The following USP8 variants were observed in gnomAD, a reference collection of about 807,000 sequenced individuals.
USP8 encodes ubiquitin specific peptidase 8.
In USP8, 27 loss-of-function variants were observed where a neutral mutation model predicts 130.0. That is an observed-to-expected ratio of 0.21 (90% CI 0.15 to 0.29). The LOEUF is 0.29. USP8 is among the 10% of genes least tolerant of loss of function. The pLI is 1.00. For missense variants in USP8, 1,029 were observed against 1,312.2 expected (o/e 0.78, Z 3.33); for synonymous variants, 392 against 444.1 (o/e 0.88, Z 1.48).
chr15:50,444,882 A>G (rs1404949351), intron 3 of USP8, among the ~76,000 whole-genome samples: 1 of 151,932 alleles, frequency 6.6e-6, no homozygotes, highest in East Asian at 1.9e-4. Context: ...CTCAGCCTCC[A>G]GAGTAGCTGG....
chr15:50,482,493 T>G (rs1208728682), intron 11 of USP8, among the ~76,000 whole-genome samples: 1 of 152,242 alleles, frequency 6.6e-6, no homozygotes, highest in Non-Finnish European at 1.5e-5. Context: ...TGGCCTAACA[T>G]TTATCTTTGC....
Position 50,505,351 on chromosome 15 carries a change from G to A in USP8, c.*6263G>A, listed in dbSNP as rs777028858. The stretch of plus-strand genomic sequence containing the variant: ...GTAGAAGTTCTCCATAGCAGCCATA[G>A]AAATCAGAGACAATACAGTAGCTTC... On this transcript the variant is annotated 3_prime_UTR_variant, in exon 20 of 20. Transcript: ENST00000307179. The A allele has an allele frequency of 9.2e-5, 14 of 152,130 alleles. No individual in the cohort carries two copies. Among genetic ancestry groups the A allele is most frequent in the Non-Finnish European group, 1.9e-4 (13 of 68,014 alleles). The allele number at this position is 152,130 out of a possible 1,614,324, so 9.4% of individuals were successfully genotyped here.
At chr15:50,468,934 C>G (rs1032574744) in intron 7 of USP8, among the ~76,000 whole-genome samples, 2 of 152,046 alleles carry the variant, frequency 1.3e-5, no homozygotes, top group Non-Finnish European at 2.9e-5. Context: ...CGATATACCC[C>G]CTGTAAGTTA....
intron 3 of USP8, among the ~76,000 whole-genome samples, chr15:50,441,866 G>T (rs2050272431): frequency 6.6e-6 from 1 of 150,796 alleles, no homozygotes; most frequent in Non-Finnish European, 1.5e-5. Context: ...AAGAGTCAAG[G>T]TTTAGTCTCT....
At position 50,507,655 on chromosome 15, in the gene USP8, T is replaced by C. The variant is rs919241299; in HGVS notation, c.*8567T>C. 6 of 152,158 alleles carry C rather than the reference T, an allele frequency of 3.9e-5. No individual in the cohort carries two copies. Among genetic ancestry groups the C allele is most frequent in the African/African-American group, 1.2e-4 (5 of 41,424 alleles). The allele number at this position is 152,158 out of a possible 1,614,324, so 9.4% of individuals were successfully genotyped here. A position where few individuals can be genotyped will look rare whatever the true frequency, so the allele number is the denominator to read the frequency against. On this transcript the variant is annotated 3_prime_UTR_variant, in exon 20 of 20. Transcript: ENST00000307179. ...AGTTTTGACAAGTCTACCATCATAA[T>C]GGAAGATTTCAACTATTGATCAAGC...
chr15:50,442,704 C>T (rs1266111449), intron 3 of USP8, among the ~76,000 whole-genome samples: 1 of 152,162 alleles, frequency 6.6e-6, no homozygotes, highest in Non-Finnish European at 1.5e-5. Flanking sequence ...GAGATTGCAC[C>T]ACTGCACTCC....
intron 5 of USP8, among the ~76,000 whole-genome samples, chr15:50,459,534 A>G (rs2050912813): frequency 6.6e-6 from 1 of 152,170 alleles, no homozygotes; most frequent in African/African-American, 2.4e-5. Flanking sequence ...CAGTGAGCTG[A>G]GATCGTACCA....
Position 50,459,029 on chromosome 15 carries a change from T to A in USP8, c.365T>A (p.Leu122His), listed in dbSNP as rs1352845159. ...GAAGAAGCTGAAGTCCGGAAAAAAC[T>A]TGAGGAAAAAGACAGGCAGGAGGAA... ...RYEEAEVRKK[L>H]EEKDRQEEAQ... Residue 122 changes from leucine (L) to histidine (H), a missense_variant, in exon 5 of 20, where the codon CTT (leucine) becomes CAT (histidine). Physicochemically the swap from Leu to His is moderately conservative, Grantham distance 99 (BLOSUM62 -3). Coordinates refer to ENST00000307179, the MANE Select transcript of USP8 (RefSeq NM_005154.5). 6.2e-7 allele frequency: 1 copy of A among 1,613,136 alleles called. No homozygotes were observed. The highest frequency in any genetic ancestry group is 8.5e-7 in the Non-Finnish European group (1 of 1,179,980).
chr15:50,433,347 A>T (rs982213630), intron 1 of USP8, among the ~76,000 whole-genome samples: 8 of 152,222 alleles, frequency 5.3e-5, no homozygotes, highest in African/African-American at 1.9e-4. Context: ...TATGTTGAGT[A>T]TTGTTGCTGC....
At chr15:50,473,816 A>ATT (rs1166901035) in intron 8 of USP8, among the ~76,000 whole-genome samples, 1 of 149,220 alleles carries the variant, frequency 6.7e-6, no homozygotes, top group Non-Finnish European at 1.5e-5. Flanking sequence ...ATATATATAT[A>ATT]TATATTTTTT....
intron 4 of USP8, among the ~76,000 whole-genome samples, chr15:50,452,106 A>G (rs2050646667): frequency 6.6e-6 from 1 of 152,220 alleles, no homozygotes; most frequent in Non-Finnish European, 1.5e-5. Flanking sequence ...AAAAAGACCT[A>G]GTGAGTGGCT....
chr15:50,424,626 C>T (rs2141237674), intron 1 of USP8, 112 bp downstream of exon 1: 1 of 397,000 alleles, frequency 2.5e-6, no homozygotes, highest in South Asian at 1.4e-4. Context: ...AAGCTCTGTC[C>T]GCGGAGAGGA....
rs1030837436 is a variant in USP8 at position 50,508,810 on chromosome 15, C to G, written c.*9722C>G. ...TCCAGGAGTTTGAAACCAGCTTGGG[C>G]AACATGGCAAAACCCCGTCTCTATA... On this transcript the variant is annotated 3_prime_UTR_variant, in exon 20 of 20. Coordinates refer to ENST00000307179, the MANE Select transcript of USP8 (RefSeq NM_005154.5). 6.7e-6 allele frequency: 1 copy of G among 150,232 alleles called. No homozygotes were observed. The highest frequency in any genetic ancestry group is 1.5e-5 in the Non-Finnish European group (1 of 67,810). The allele number at this position is 150,232 out of a possible 1,614,324, so 9.3% of individuals were successfully genotyped here.
chr15:50,505,559 A>G lies in USP8; in HGVS notation c.*6471A>G, dbSNP rs150826803. The G allele has an allele frequency of 1.4e-4, 22 of 152,370 alleles. No individual in the cohort carries two copies. In the East Asian group the frequency reaches 4.0e-3, roughly 28 times the overall value. 9.4% of individuals were successfully genotyped at this position (152,370 alleles called of 1,614,324 possible). On this transcript the variant is annotated 3_prime_UTR_variant, in exon 20 of 20. Coordinates refer to ENST00000307179, the MANE Select transcript of USP8 (RefSeq NM_005154.5). The stretch of plus-strand genomic sequence containing the variant: ...AACTCAATGAAGGAAGAAGTGATAC[A>G]TAATAGACAGTGATTAACAAAAAAG...
chr15:50,481,425 T>G lies in USP8; in HGVS notation c.1219-56T>G. The stretch of plus-strand genomic sequence containing the variant: ...TTTATCACAACTTGATCTCAAGAAC[T>G]GAGGTTATTTCCTGATTTTTGACAA... On this transcript the variant is annotated intron_variant, in intron 10 of 19. Transcript: ENST00000307179. 6 of 1,291,696 alleles carry G rather than the reference T, an allele frequency of 4.6e-6. No individual in the cohort carries two copies. In the South Asian group the frequency reaches 1.0e-4, roughly 23 times the overall value. The allele number at this position is 1,291,696 out of a possible 1,614,324, so 80.0% of individuals were successfully genotyped here.
intron 5 of USP8, among the ~76,000 whole-genome samples, chr15:50,460,338 ACT>A (rs928008522): frequency 2.2e-5 from 2 of 91,372 alleles, no homozygotes; most frequent in Admixed American, 3.2e-4. Context: ...ACAGAGTTTT[ACT>A]CTGTCGCTCA....
At chr15:50,484,157 CT>C (rs927110978) in intron 11 of USP8, 117 bp from the exon 12 acceptor site, 153 of 725,776 alleles carry the variant, frequency 2.1e-4, no homozygotes, top group African/African-American at 7.4e-4. Context: ...TTTCAGAGGC[CT>C]TTTTTTTCTC....
chr15:50,441,842 TA>T (rs2050271570), intron 3 of USP8, among the ~76,000 whole-genome samples: 1 of 152,258 alleles, frequency 6.6e-6, no homozygotes, highest in African/African-American at 2.4e-5. Context: ...ATAGTACTTT[TA>T]TTGCGCTTTC....
chr15:50,424,976 G>A (rs961736160), intron 1 of USP8, among the ~76,000 whole-genome samples: 1 of 150,300 alleles, frequency 6.7e-6, no homozygotes, highest in African/African-American at 2.4e-5. Context: ...TTAAAACTAT[G>A]ACTTCCTCAA....
Sources: gnomAD v4.1 joint callset for allele counts (sites outside exome capture counted in the v4.1 genomes callset) on GRCh38, gnomAD v4.1.1 for gene constraint, MANE v1.5 for transcripts, NCBI Gene and HGNC (gene_info 2026-07-23, HGNC 2026-07-21) for gene names.